GLIS1: variants seen among roughly 807,000 people sequenced by gnomAD.
The protein encoded by GLIS1 is zinc finger protein GLIS1.
In GLIS1, 24 loss-of-function variants were observed where a neutral mutation model predicts 63.8. The ratio of observed to expected loss-of-function variants is 0.38; its 90% confidence interval spans 0.27 to 0.53. The LOEUF (loss-of-function observed/expected upper bound fraction) is 0.53, where lower values mean the gene tolerates loss of function less well. Ranked by LOEUF, GLIS1 falls within the 20% of genes least tolerant of loss-of-function variation. The probability of loss-of-function intolerance (pLI) is 0.85; values close to 1 mark genes in which losing one functional copy is unlikely to be tolerated. For missense variants in GLIS1, 1,036 were observed against 1,074.1 expected (o/e 0.96, Z 0.50); for synonymous variants, 450 against 482.5 (o/e 0.93, Z 0.88).
chr1:53,676,772 T>A (rs1646217239), intron 2 of GLIS1, among the ~76,000 whole-genome samples: 1 of 152,064 alleles, frequency 6.6e-6, no homozygotes, highest in African/African-American at 2.4e-5. Flanking sequence ...AAGAGTGCCC[T>A]CTAATGCTCT....
intron 4 of GLIS1, among the ~76,000 whole-genome samples, chr1:53,553,765 C>T (rs565172205): frequency 4.6e-5 from 7 of 152,012 alleles, no homozygotes; most frequent in South Asian, 2.1e-4. Context: ...GCTTTAGGGA[C>T]GGAGAATTTT....
chr1:53,553,837 C>T (rs2100411348), intron 4 of GLIS1, among the ~76,000 whole-genome samples: 1 of 152,302 alleles, frequency 6.6e-6, no homozygotes, highest in Non-Finnish European at 1.5e-5. Flanking sequence ...GCAAGGAGGC[C>T]TGTGTGGCTG....
At chr1:53,575,119 C>A (rs1057344283) in intron 4 of GLIS1, among the ~76,000 whole-genome samples, 1 of 152,102 alleles carries the variant, frequency 6.6e-6, no homozygotes, top group African/African-American at 2.4e-5. Flanking sequence ...ACTAAAGATA[C>A]TATGTTCTTG....
At chr1:53,694,929 C>G (rs935718236) in intron 2 of GLIS1, among the ~76,000 whole-genome samples, 1 of 152,282 alleles carries the variant, frequency 6.6e-6, no homozygotes, top group Non-Finnish European at 1.5e-5. Flanking sequence ...CTGGGCAACA[C>G]AGTGAGACCC....
At chr1:53,590,647 C>T (rs781294635) in intron 4 of GLIS1, among the ~76,000 whole-genome samples, 4 of 152,106 alleles carry the variant, frequency 2.6e-5, no homozygotes, top group Non-Finnish European at 4.4e-5. Context: ...TTGGGTTGGA[C>T]GGGTAACCTT....
intron 2 of GLIS1, among the ~76,000 whole-genome samples, chr1:53,640,486 A>C (rs1302272095): frequency 6.6e-6 from 1 of 152,130 alleles, no homozygotes; most frequent in Non-Finnish European, 1.5e-5. Context: ...GGGGCTGGAC[A>C]GTTGGGATCC....
At chr1:53,581,186 T>C (rs751664808) in intron 4 of GLIS1, among the ~76,000 whole-genome samples, 1 of 152,046 alleles carries the variant, frequency 6.6e-6, no homozygotes, top group Non-Finnish European at 1.5e-5. Flanking sequence ...GGGAGGGAAA[T>C]AGGGGTCAGG....
intron 4 of GLIS1, among the ~76,000 whole-genome samples, chr1:53,582,930 G>A (rs187801366): frequency 1.2e-4 from 19 of 152,234 alleles, no homozygotes; most frequent in African/African-American, 3.1e-4. Context: ...GGGATCTTAC[G>A]GAAGTATCTG....
At chr1:53,715,157 C>T (rs1038785026) in intron 2 of GLIS1, among the ~76,000 whole-genome samples, 4 of 152,236 alleles carry the variant, frequency 2.6e-5, no homozygotes, top group African/African-American at 9.6e-5. Context: ...CTCAAGCCAT[C>T]TGTCTACCTC....
At chr1:53,633,238 C>T (rs1364810046) in intron 2 of GLIS1, among the ~76,000 whole-genome samples, 4 of 100,102 alleles carry the variant, frequency 4.0e-5, no homozygotes, top group Non-Finnish European at 7.8e-5. Context: ...ACTGGAGGGG[C>T]GTGTGAAGGG....
chr1:53,509,326 G>A, intron 9 of GLIS1, 39 bp from the exon 10 acceptor site: 3 of 1,516,356 alleles, frequency 2.0e-6, no homozygotes, highest in Non-Finnish European at 2.7e-6. Context: ...TCACAAAGGA[G>A]AAGTGCCCAG....
At chr1:53,544,368 C>CG (rs781702637) in intron 4 of GLIS1, among the ~76,000 whole-genome samples, 6 of 152,284 alleles carry the variant, frequency 3.9e-5, no homozygotes, top group Non-Finnish European at 8.8e-5. Flanking sequence ...GTCCGGCCCC[C>CG]GGGGCACAGT....
rs2296759 is a variant in GLIS1, at chr1:53,506,459, A to G, written c.*160T>C. The G allele has an allele frequency of 0.17, 116,648 of 705,682 alleles. 11,911 individuals carry two copies. Among genetic ancestry groups the G allele is most frequent in the East Asian group, 0.45 (16,307 of 36,638 alleles). The allele number at this position is 705,682 out of a possible 1,614,324, so 43.7% of individuals were successfully genotyped here. On this transcript the variant is annotated 3_prime_UTR_variant, in exon 11 of 11. Coordinates refer to ENST00000628545, the MANE Select transcript of GLIS1 (RefSeq NM_001367484.1). ...CAAGCTCGGATGGCGGCTCCCTGGCAGCGCTGGGTGGGGTGGCAGCGCTGG... is the reference window on the plus strand; with the variant it reads ...CAAGCTCGGATGGCGGCTCCCTGGCGGCGCTGGGTGGGGTGGCAGCGCTGG...
chr1:53,527,828 C>A (rs1269660980), intron 5 of GLIS1, among the ~76,000 whole-genome samples: 1 of 152,052 alleles, frequency 6.6e-6, no homozygotes, highest in Non-Finnish European at 1.5e-5. Flanking sequence ...TTCCAGGGGA[C>A]CTCTTGGGGA....
chr1:53,674,340 C>T (rs1646188947), intron 2 of GLIS1, among the ~76,000 whole-genome samples: 1 of 152,172 alleles, frequency 6.6e-6, no homozygotes. Flanking sequence ...ATTCTCACCC[C>T]AACCTATTGA....
chr1:53,703,176 T>C (rs1646542359), intron 2 of GLIS1, among the ~76,000 whole-genome samples: 1 of 152,244 alleles, frequency 6.6e-6, no homozygotes, highest in Admixed American at 6.5e-5. Context: ...TTGGCACTGT[T>C]CTATGCATTT....
chr1:53,525,026 C>T, intron 5 of GLIS1, 139 bp from the exon 6 acceptor site: 1 of 655,148 alleles, frequency 1.5e-6, no homozygotes, highest in South Asian at 1.8e-5. Flanking sequence ...CCAGCCCGGC[C>T]CAGCTGTGGG....
At chr1:53,532,929 G>A (rs1221682940) in intron 4 of GLIS1, among the ~76,000 whole-genome samples, 3 of 152,324 alleles carry the variant, frequency 2.0e-5, no homozygotes, top group East Asian at 1.9e-4. Flanking sequence ...TAATTCATAC[G>A]TTTTTCAAAC....
intron 4 of GLIS1, among the ~76,000 whole-genome samples, chr1:53,530,782 G>A (rs1030527351): frequency 1.3e-5 from 2 of 152,154 alleles, no homozygotes; most frequent in African/African-American, 2.4e-5. Flanking sequence ...AGCCTTCAAA[G>A]TCAGCTCAAA....
Sources: gnomAD v4.1 joint callset for allele counts (sites outside exome capture counted in the v4.1 genomes callset) on GRCh38, gnomAD v4.1.1 for gene constraint, MANE v1.5 for transcripts, NCBI Gene and HGNC (gene_info 2026-07-23, HGNC 2026-07-21) for gene names.